AP3S1: variants seen among roughly 807,000 people sequenced by gnomAD.
AP3S1 encodes AP-3 complex subunit sigma-1.
In AP3S1, 12 loss-of-function variants were observed where a neutral mutation model predicts 21.3. The ratio of observed to expected loss-of-function variants is 0.56; its 90% CI spans 0.36 to 0.91. The LOEUF (loss-of-function observed/expected upper bound fraction) is 0.91, where lower values mean the gene tolerates loss of function less well. Ranked by LOEUF, AP3S1 falls within the 40% of genes least tolerant of loss-of-function variation. AP3S1 has a pLI of 0.01. For missense variants in AP3S1, 116 were observed against 225.0 expected, an observed-to-expected ratio of 0.52 and a Z score of 3.10; for synonymous variants, 48 against 78.4, an observed-to-expected ratio of 0.61 and a Z score of 2.05.
intron 4 of AP3S1, among the ~76,000 whole-genome samples, chr5:115,897,059 A>G (rs554208023): frequency 5.3e-5 from 8 of 152,330 alleles, no homozygotes; most frequent in African/African-American, 1.9e-4. Context: ...TCTCATTAGT[A>G]TGCATTCATT....
chr5:115,871,155 G>A (rs2112842563), intron 3 of AP3S1, among the ~76,000 whole-genome samples: 1 of 152,306 alleles, frequency 6.6e-6, no homozygotes, highest in African/African-American at 2.4e-5. Context: ...AGAAGACACT[G>A]TCTATTTTCC....
chr5:115,888,268 T>C (rs1284139515), intron 3 of AP3S1, among the ~76,000 whole-genome samples: 1 of 152,162 alleles, frequency 6.6e-6, no homozygotes. Flanking sequence ...ATCTTTCTAC[T>C]TGTGAAATAA....
intron 1 of AP3S1, among the ~76,000 whole-genome samples, chr5:115,846,064 C>G (rs943846494): frequency 2.2e-4 from 34 of 152,016 alleles, no homozygotes; most frequent in African/African-American, 7.7e-4. Flanking sequence ...CTGTAAATAA[C>G]TAATGAGACT....
chr5:115,861,773 C>G (rs1010894978), intron 1 of AP3S1, among the ~76,000 whole-genome samples: 28 of 151,652 alleles, frequency 1.8e-4, no homozygotes, highest in African/African-American at 6.5e-4. Context: ...TCTTAAACTT[C>G]TAGACTCAAG....
intron 1 of AP3S1, among the ~76,000 whole-genome samples, chr5:115,852,234 G>T (rs1762488128): frequency 6.6e-6 from 1 of 151,926 alleles, no homozygotes. Context: ...TATGGGCCCT[G>T]TTTTGGTAAA....
At chr5:115,865,054 G>A (rs1204938732) in intron 1 of AP3S1, among the ~76,000 whole-genome samples, 1 of 151,832 alleles carries the variant, frequency 6.6e-6, no homozygotes, top group Middle Eastern at 3.2e-3. Flanking sequence ...AAATTACTGT[G>A]TATTTCCATA....
At chr5:115,871,978 T>G (rs1748301387) in intron 3 of AP3S1, among the ~76,000 whole-genome samples, 1 of 152,086 alleles carries the variant, frequency 6.6e-6, no homozygotes, top group African/African-American at 2.4e-5. Flanking sequence ...AGCAGACAAC[T>G]TAGGTAACAA....
At chr5:115,888,585 TATA>T (rs1448957801) in intron 3 of AP3S1, among the ~76,000 whole-genome samples, 1 of 152,168 alleles carries the variant, frequency 6.6e-6, no homozygotes, top group Non-Finnish European at 1.5e-5. Context: ...AACATGCAGT[TATA>T]ATGACATTTT....
At chr5:115,896,223 G>T (rs987028843) in intron 4 of AP3S1, among the ~76,000 whole-genome samples, 1 of 152,150 alleles carries the variant, frequency 6.6e-6, no homozygotes. Flanking sequence ...CACAATCAAA[G>T]TAGTACAAAG....
At chr5:115,855,654 C>A (rs7707232) in intron 1 of AP3S1, among the ~76,000 whole-genome samples, 5 of 152,182 alleles carry the variant, frequency 3.3e-5, no homozygotes, top group South Asian at 4.1e-4. Flanking sequence ...ATGAGGAATT[C>A]GGTTTCTTTT....
chr5:115,895,922 T>G (rs1302699883), intron 4 of AP3S1, among the ~76,000 whole-genome samples: 1 of 152,196 alleles, frequency 6.6e-6, no homozygotes, highest in Non-Finnish European at 1.5e-5. Flanking sequence ...AGAGAAAGAA[T>G]GACAGATTTC....
At chr5:115,877,495 T>G (rs1748834230) in intron 3 of AP3S1, among the ~76,000 whole-genome samples, 1 of 152,218 alleles carries the variant, frequency 6.6e-6, no homozygotes. Context: ...AGTGATGGTT[T>G]CCAGCTTCAT....
Position 115,911,677 on chromosome 5 carries a change from T to G in AP3S1, c.454-1685T>G, listed in dbSNP as rs1211207412. On this transcript the variant is annotated intron_variant, in intron 5 of 5. Coordinates refer to ENST00000316788, the MANE Select transcript of AP3S1 (RefSeq NM_001284.4). ...TTCTTTGATCCCAACCCACTCTAAA[T>G]TTTGGTAGCTAGACCTTTAACTTGA... 2.0e-5 allele frequency among the ~76,000 whole-genome samples: 3 copies of G among 152,016 alleles called. No individual in the cohort carries two copies. The East Asian group carries it at 5.8e-4, about 29-fold the overall frequency.
At chr5:115,861,239 G>A (rs1368256394) in intron 1 of AP3S1, among the ~76,000 whole-genome samples, 1 of 152,170 alleles carries the variant, frequency 6.6e-6, no homozygotes, top group African/African-American at 2.4e-5. Context: ...GCTAGAGAAT[G>A]GAGTGTGGAA....
chr5:115,908,186 A>AT (rs1751812930), intron 5 of AP3S1, among the ~76,000 whole-genome samples: 1 of 152,156 alleles, frequency 6.6e-6, no homozygotes, highest in African/African-American at 2.4e-5. Context: ...TATCCATGTT[A>AT]TTTTGTCCCT....
intron 5 of AP3S1, among the ~76,000 whole-genome samples, chr5:115,911,905 C>T (rs905953563): frequency 7.2e-5 from 11 of 151,944 alleles, no homozygotes; most frequent in Admixed American, 1.3e-4. Context: ...TATAAAACTT[C>T]TCCAGCCCTA....
In AP3S1 at chr5:115,866,802, T is replaced by C. The variant is rs756783481; in HGVS notation, c.161+41T>C. The C allele has an allele frequency of 1.4e-5, 20 of 1,408,138 alleles. No individual in the cohort carries two copies. The Admixed American group carries it at 3.8e-4, about 26-fold the overall frequency. The allele number at this position is 1,408,138 out of a possible 1,614,324, so 87.2% of individuals were successfully genotyped here. ...CATAGACATTTCTAAGTTTTGACTA[T>C]GTGATTAAAATATATACTGTTTAAT... On this transcript the variant is annotated intron_variant, in intron 2 of 5. Transcript: ENST00000316788.
chr5:115,843,493 A>G (rs1761810144), intron 1 of AP3S1, among the ~76,000 whole-genome samples: 1 of 152,216 alleles, frequency 6.6e-6, no homozygotes, highest in Non-Finnish European at 1.5e-5. Context: ...TAAAAATTCT[A>G]CATCATTCTT....
chr5:115,867,080 A>G (rs1347330573), intron 2 of AP3S1, among the ~76,000 whole-genome samples: 2 of 152,114 alleles, frequency 1.3e-5, no homozygotes, highest in Non-Finnish European at 2.9e-5. Flanking sequence ...TTTCTTGTGT[A>G]TCCTTCTAGA....
Sources: gnomAD v4.1 joint callset for allele counts (sites outside exome capture counted in the v4.1 genomes callset) on GRCh38, gnomAD v4.1.1 for gene constraint, MANE v1.5 for transcripts, NCBI Gene and HGNC (gene_info 2026-07-23, HGNC 2026-07-21) for gene names.